Variants in AEN observed in about 807,000 individuals in gnomAD.
AEN encodes the protein apoptosis-enhancing nuclease.
Under a neutral mutation model 17.7 loss-of-function variants are expected in AEN, and 21 were observed. That is an observed-to-expected ratio of 1.19 (90% CI 0.84 to 1.71). The LOEUF (loss-of-function observed/expected upper bound fraction) is 1.71. Among genes scored for constraint, AEN ranks in the 40% most tolerant of loss-of-function variants. The pLI, the probability that AEN is intolerant of heterozygous loss-of-function variation, is 0.00. For synonymous variants in AEN, 190 were observed against 173.0 expected, an observed-to-expected ratio of 1.10 and a Z score of -0.77; for missense variants, 462 against 435.9, an observed-to-expected ratio of 1.06 and a Z score of -0.53.
At chr15:88,609,516 G>A in the AEN span, among the ~76,000 whole-genome samples, 1 of 152,158 alleles carries the variant, frequency 6.6e-6, no homozygotes, top group Non-Finnish European at 1.5e-5. Flanking sequence ...TTACTGTCAT[G>A]AGGTAAAAGA....
At chr15:88,608,467 A>T in the AEN span, among the ~76,000 whole-genome samples, 2 of 152,212 alleles carry the variant, frequency 1.3e-5, no homozygotes, top group African/African-American at 4.8e-5. Flanking sequence ...TTACCAGCAC[A>T]CTGAGGGTCC....
At chr15:88,612,181 A>T in the AEN span, among the ~76,000 whole-genome samples, 1 of 152,038 alleles carries the variant, frequency 6.6e-6, no homozygotes, top group African/African-American at 2.4e-5. Context: ...ACCCTCCTTA[A>T]TTACTAATTC....
upstream of AEN, among the ~76,000 whole-genome samples, chr15:88,618,836 T>C (rs1363144923): frequency 6.6e-6 from 1 of 152,236 alleles, no homozygotes; most frequent in Admixed American, 6.5e-5. Flanking sequence ...AGGGTCTGTC[T>C]GGCTCTGTCA....
At chr15:88,616,906 C>T (rs539109465), upstream of AEN, among the ~76,000 whole-genome samples, 1 of 152,128 alleles carries the variant, frequency 6.6e-6, no homozygotes, top group Admixed American at 6.5e-5. Flanking sequence ...AAGCTATAGA[C>T]GTTTGGTAGG....
At chr15:88,621,059 A>T (rs2057779591), upstream of AEN, among the ~76,000 whole-genome samples, 2 of 152,180 alleles carry the variant, frequency 1.3e-5, no homozygotes, top group South Asian at 2.1e-4. Context: ...ACCCAGGTAG[A>T]GGAGTGGATT....
intron 3 of AEN, among the ~76,000 whole-genome samples, chr15:88,629,731 A>G (rs1302237620): frequency 1.3e-5 from 2 of 152,184 alleles, no homozygotes; most frequent in East Asian, 3.9e-4. Flanking sequence ...ATGGTCTCCC[A>G]TCCCCTACTA....
chr15:88,607,720 T>C, the AEN span, among the ~76,000 whole-genome samples: 512 of 152,324 alleles, frequency 3.4e-3, 3 homozygotes, highest in Non-Finnish European at 5.0e-3. Context: ...TTCTCTTCTT[T>C]TCTCTCCATT....
Position 88,626,753 on chromosome 15 carries a change from A to G in AEN, c.540+4A>G. The G allele has an allele frequency of 6.2e-7, 1 of 1,604,326 alleles. No individual in the cohort carries two copies. On this transcript the variant is annotated splice_donor_region_variant and intron_variant, in intron 2 of 3. Transcript: ENST00000332810. The stretch of plus-strand genomic sequence containing the variant: ...CTTCCAGGTGGCCCAGAAAGAGGTA[A>G]GGGCAGGGATGGGGACTTGTTTGGG...
At chr15:88,629,946 C>A in intron 3 of AEN, 112 bp from the exon 4 acceptor site, 1 of 934,778 alleles carries the variant, frequency 1.1e-6, no homozygotes, top group Non-Finnish European at 1.7e-6. Flanking sequence ...CCATTCTGAG[C>A]ATACGTATTC....
chr15:88,631,254 G>T lies in AEN; in HGVS notation c.*960G>T. On this transcript the variant is annotated 3_prime_UTR_variant, in exon 4 of 4. Transcript: ENST00000332810. Reference sequence around the variant, plus strand: ...CAGTGGAGTCTGCGTGTCTCCTGGGGCTGGGGCAGGGCATTGGCAGTTACG... The same window carrying T: ...CAGTGGAGTCTGCGTGTCTCCTGGGTCTGGGGCAGGGCATTGGCAGTTACG... The T allele has an allele frequency of 2.3e-6, 1 of 437,694 alleles. No homozygotes were observed. Among genetic ancestry groups the T allele is most frequent in the Non-Finnish European group, 4.7e-6 (1 of 212,190 alleles). The allele number at this position is 437,694 out of a possible 1,614,324, so 27.1% of individuals were successfully genotyped here.
chr15:88,615,570 CG>C, the AEN span, among the ~76,000 whole-genome samples: 2 of 152,128 alleles, frequency 1.3e-5, no homozygotes, highest in African/African-American at 4.8e-5. Flanking sequence ...TCCTAAACTT[CG>C]GCATGCCTCA....
At chr15:88,606,587 T>G in the AEN span, among the ~76,000 whole-genome samples, 1 of 152,136 alleles carries the variant, frequency 6.6e-6, no homozygotes, top group Non-Finnish European at 1.5e-5. Flanking sequence ...TCGCAGCACC[T>G]GCCTCCTGTT....
the AEN span, among the ~76,000 whole-genome samples, chr15:88,613,112 C>T: frequency 3.3e-5 from 5 of 152,144 alleles, no homozygotes; most frequent in South Asian, 6.2e-4. Context: ...GGTTGGGGAT[C>T]GTACTCATTT....
upstream of AEN, among the ~76,000 whole-genome samples, chr15:88,620,525 C>T (rs1328571524): frequency 1.3e-5 from 2 of 152,072 alleles, no homozygotes; most frequent in Non-Finnish European, 2.9e-5. Flanking sequence ...AGCGATTCTC[C>T]TGCCTCAGCC....
the AEN span, among the ~76,000 whole-genome samples, chr15:88,611,476 T>C: frequency 6.9e-6 from 1 of 145,364 alleles, no homozygotes; most frequent in Non-Finnish European, 1.5e-5. Flanking sequence ...TAGTCTCAGC[T>C]ACTAGGGAGG....
chr15:88,611,984 G>A, the AEN span: 25 of 440,680 alleles, frequency 5.7e-5, no homozygotes, highest in African/African-American at 3.4e-4. Flanking sequence ...ATCCTTCCAC[G>A]TGTTCTTTTT....
At chr15:88,627,930 A>G (rs956808788) in intron 2 of AEN, 4 of 152,096 alleles carry the variant, frequency 2.6e-5, no homozygotes, top group Non-Finnish European at 4.4e-5. Context: ...TATTCTTGGG[A>G]TTAGGCAAGG....
At chr15:88,607,203 G>A in the AEN span, among the ~76,000 whole-genome samples, 1 of 152,206 alleles carries the variant, frequency 6.6e-6, no homozygotes, top group South Asian at 2.1e-4. Context: ...ATGGACACTA[G>A]CATCACTCTC....
chr15:88,614,268 C>T, the AEN span, among the ~76,000 whole-genome samples: 2 of 150,570 alleles, frequency 1.3e-5, no homozygotes, highest in African/African-American at 4.9e-5. Context: ...GGTGTGATCT[C>T]GGCTCAATGC....
Sources: allele counts gnomAD v4.1 joint callset (sites outside exome capture counted in the v4.1 genomes callset), GRCh38; gene constraint gnomAD v4.1.1; transcripts MANE v1.5; gene names NCBI Gene and HGNC (gene_info 2026-07-23, HGNC 2026-07-21).